MAGI1: variants seen among roughly 807,000 people sequenced by gnomAD.
The protein encoded by MAGI1 is membrane-associated guanylate kinase, WW and PDZ domain-containing protein 1.
Under a neutral mutation model 139.9 loss-of-function variants are expected in MAGI1, and 58 were observed. The observed-to-expected ratio is 0.41, with a 90% CI of 0.34 to 0.52. MAGI1 has a LOEUF of 0.52. Among genes scored for constraint, MAGI1 ranks in the 20% least tolerant of loss-of-function variants. The pLI, the probability that MAGI1 is intolerant of heterozygous loss-of-function variation, is 0.12. For synonymous variants in MAGI1, 812 were observed against 737.9 expected (o/e 1.10, Z -1.63); for missense variants, 1,874 against 1,901.6 (o/e 0.99, Z 0.27).
intron 2 of MAGI1, chr3:65,609,846 G>A (rs1167902312): frequency 4.0e-6 from 1 of 247,376 alleles, no homozygotes; most frequent in Non-Finnish European, 8.6e-6. Context: ...CAAAGTGTTG[G>A]GATTATAGGC....
chr3:65,902,188 G>A (rs2108627150), intron 1 of MAGI1, among the ~76,000 whole-genome samples: 1 of 152,204 alleles, frequency 6.6e-6, no homozygotes, highest in African/African-American at 2.4e-5. Context: ...CAAATACGAG[G>A]GAGACAAACA....
At position 65,610,753 on chromosome 3, in the gene MAGI1, G is replaced by GTA. The variant is rs57217002; in HGVS notation, c.430+11217_430+11218dup. Among the ~76,000 whole-genome samples the GTA allele has an allele frequency of 3.3e-3, 407 of 123,232 alleles. 15 individuals are homozygous for GTA. Among genetic ancestry groups the GTA allele is most frequent in the African/African-American group, 0.012 (384 of 32,778 alleles). 80.8% of individuals were successfully genotyped at this position (123,232 alleles called of 152,430 possible). Reference sequence around the variant, plus strand: ...AAATATAGTATATAGTATATATACAGTATATATATAGCATATATATATACT... The same window carrying GTA: ...AAATATAGTATATAGTATATATACAGTATATATATATAGCATATATATATACT... On this transcript the variant is annotated intron_variant, in intron 2 of 22. Coordinates refer to ENST00000402939, the MANE Select transcript of MAGI1 (RefSeq NM_001033057.2).
intron 10 of MAGI1, 35 bp downstream of exon 10, chr3:65,437,120 A>C: frequency 6.9e-7 from 1 of 1,449,060 alleles, no homozygotes; most frequent in Non-Finnish European, 9.5e-7. Flanking sequence ...TTTTGAGCTA[A>C]AACCATGACA....
At chr3:65,981,223 G>C (rs1225507917) in intron 1 of MAGI1, among the ~76,000 whole-genome samples, 1 of 151,460 alleles carries the variant, frequency 6.6e-6, no homozygotes, top group Non-Finnish European at 1.5e-5. Flanking sequence ...TTTATTTCAA[G>C]AGCTCCGTAG....
intron 1 of MAGI1, among the ~76,000 whole-genome samples, chr3:65,806,951 G>A (rs769634415): frequency 6.6e-6 from 1 of 152,112 alleles, no homozygotes; most frequent in Non-Finnish European, 1.5e-5. Flanking sequence ...GATAACGATG[G>A]AAACATCATC....
At chr3:65,697,240 T>C (rs1192580270) in intron 1 of MAGI1, among the ~76,000 whole-genome samples, 4 of 151,866 alleles carry the variant, frequency 2.6e-5, no homozygotes, top group Admixed American at 1.3e-4. Context: ...CAATAGTTTA[T>C]CAACCAAAAA....
intron 3 of MAGI1, among the ~76,000 whole-genome samples, chr3:65,492,874 C>T (rs977258310): frequency 2.6e-5 from 4 of 152,042 alleles, no homozygotes; most frequent in South Asian, 2.1e-4. Context: ...GTCAGGAGAT[C>T]GAGACGATCC....
intron 1 of MAGI1, among the ~76,000 whole-genome samples, chr3:65,767,496 A>G (rs531452238): frequency 6.6e-6 from 1 of 152,284 alleles, no homozygotes; most frequent in African/African-American, 2.4e-5. Flanking sequence ...GACTTTACTC[A>G]AAGCATTTTC....
chr3:65,887,491 T>C (rs1280675933), intron 1 of MAGI1, among the ~76,000 whole-genome samples: 4 of 151,498 alleles, frequency 2.6e-5, no homozygotes, highest in Admixed American at 2.6e-4. Flanking sequence ...TTCATAAACC[T>C]GTAACTTCTA....
At chr3:65,398,342 A>C (rs1944558383) in intron 13 of MAGI1, among the ~76,000 whole-genome samples, 2 of 152,144 alleles carry the variant, frequency 1.3e-5, no homozygotes, top group Non-Finnish European at 2.9e-5. Context: ...CTCTACAAAA[A>C]ATATAAAAAT....
At chr3:65,357,228 C>A in intron 22 of MAGI1, 96 bp from the exon 23 acceptor site, 1 of 1,271,730 alleles carries the variant, frequency 7.9e-7, no homozygotes, top group Non-Finnish European at 1.1e-6. Context: ...TTAGTCACAA[C>A]AAGCAAACAA....
chr3:65,493,466 A>C, intron 3 of MAGI1, 46 bp downstream of exon 3: 1 of 1,612,622 alleles, frequency 6.2e-7, no homozygotes, highest in East Asian at 2.2e-5. Flanking sequence ...GCTCCTCTCA[A>C]GTACCCAGGA....
chr3:66,013,123 G>T (rs1420357216), intron 1 of MAGI1, among the ~76,000 whole-genome samples: 1 of 152,130 alleles, frequency 6.6e-6, no homozygotes, highest in Non-Finnish European at 1.5e-5. Context: ...TTCAATTCTG[G>T]CTGGGCACAG....
chr3:65,375,551 G>A (rs183797444), intron 18 of MAGI1, among the ~76,000 whole-genome samples, 194 bp downstream of exon 18: 1 of 152,278 alleles, frequency 6.6e-6, no homozygotes, highest in African/African-American at 2.4e-5. Flanking sequence ...ACAAGAGGGT[G>A]AGGTATGGGT....
chr3:65,601,702 T>A (rs2082488505), intron 2 of MAGI1, among the ~76,000 whole-genome samples: 1 of 149,536 alleles, frequency 6.7e-6, no homozygotes, highest in African/African-American at 2.5e-5. Context: ...AAATCTTTTT[T>A]ATCCTGGGTG....
At chr3:65,431,388 C>G (rs1290230218) in intron 10 of MAGI1, among the ~76,000 whole-genome samples, 2 of 152,008 alleles carry the variant, frequency 1.3e-5, no homozygotes, top group Non-Finnish European at 2.9e-5. Flanking sequence ...ATTATAGTCA[C>G]AAATAATAAT....
intron 2 of MAGI1, among the ~76,000 whole-genome samples, chr3:65,516,382 G>A (rs1249724678): frequency 6.6e-6 from 1 of 152,066 alleles, no homozygotes; most frequent in African/African-American, 2.4e-5. Context: ...GTTTCACCAT[G>A]TTGGCCAGGA....
At chr3:65,910,855 C>CATTTTTTTTTTT (rs755783850) in intron 1 of MAGI1, among the ~76,000 whole-genome samples, 1 of 59,484 alleles carries the variant, frequency 1.7e-5, no homozygotes, top group East Asian at 7.5e-4. Flanking sequence ...ACATGGTGGA[C>CATTTTTTTTTTT]TTTTTTTTTT....
At chr3:65,885,385 A>C (rs1031362801) in intron 1 of MAGI1, among the ~76,000 whole-genome samples, 1 of 151,466 alleles carries the variant, frequency 6.6e-6, no homozygotes, top group African/African-American at 2.4e-5. Context: ...CAAGAAGAGC[A>C]AAACTCTGTC....
Sources: gnomAD v4.1 joint callset for allele counts (sites outside exome capture counted in the v4.1 genomes callset) on GRCh38, gnomAD v4.1.1 for gene constraint, MANE v1.5 for transcripts, NCBI Gene and HGNC (gene_info 2026-07-23, HGNC 2026-07-21) for gene names.